RNASEH2A: variants seen among roughly 807,000 people sequenced by gnomAD.
RNASEH2A encodes ribonuclease H2 subunit A, also known as RNase H(35).
In RNASEH2A, 30 loss-of-function variants were observed where a neutral mutation model predicts 32.7. That is an observed-to-expected ratio of 0.92 (90% CI 0.69 to 1.25). The LOEUF is 1.25. RNASEH2A is among the 50% of genes most tolerant of loss of function. The pLI is 0.00. For synonymous variants in RNASEH2A, 147 were observed against 165.4 expected (o/e 0.89, Z 0.86); for missense variants, 409 against 398.1 (o/e 1.03, Z -0.23).
At chr19:12,811,967 G>A (rs1969080081) in intron 6 of RNASEH2A, among the ~76,000 whole-genome samples, 1 of 151,610 alleles carries the variant, frequency 6.6e-6, no homozygotes, top group Non-Finnish European at 1.5e-5. Context: ...GCTGGGCCAG[G>A]TGGCTCATGC....
chr19:12,811,617 CA>C (rs201378863), intron 6 of RNASEH2A, among the ~76,000 whole-genome samples: 77 of 143,032 alleles, frequency 5.4e-4, no homozygotes, highest in Non-Finnish European at 4.3e-4. Flanking sequence ...GATCTTGTGT[CA>C]AAAAAAAAAA....
chr19:12,812,743 A>G (rs1247746168), intron 6 of RNASEH2A, among the ~76,000 whole-genome samples: 1 of 151,912 alleles, frequency 6.6e-6, no homozygotes. Flanking sequence ...GTGGTGGCTC[A>G]TGCCTGTAAT....
At chr19:12,810,795 G>A (rs1311286586) in intron 6 of RNASEH2A, among the ~76,000 whole-genome samples, 1 of 152,082 alleles carries the variant, frequency 6.6e-6, no homozygotes, top group Non-Finnish European at 1.5e-5. Flanking sequence ...CTCCCAAAGT[G>A]CTGGGATTAC....
intron 4 of RNASEH2A, among the ~76,000 whole-genome samples, chr19:12,808,599 G>A (rs191774078): frequency 6.6e-6 from 1 of 152,238 alleles, no homozygotes; most frequent in East Asian, 1.9e-4. Context: ...AGCAACAGAA[G>A]GTAGTCTTTT....
chr19:12,806,982 A>G (rs773511131), intron 1 of RNASEH2A, 26 bp from the exon 2 acceptor site: 1 of 1,612,712 alleles, frequency 6.2e-7, no homozygotes, highest in South Asian at 1.1e-5. Context: ...CCCGGCTGCC[A>G]GAAAACTGAC....
chr19:12,810,071 G>C lies in RNASEH2A; in HGVS notation c.412G>C (p.Val138Leu), dbSNP rs746895261. 1 of 1,614,020 alleles carries C rather than the reference G, an allele frequency of 6.2e-7. No homozygotes were observed. The highest frequency in any genetic ancestry group is 8.5e-7 in the Non-Finnish European group (1 of 1,180,040). ...ALDQGVNVTQ[V>L]FVDTVGMPET... is the part of the protein sequence containing the mutation. ...TAATATGTGTCTGTTGCTGTGGCAG[G>C]TATTCGTGGACACCGTAGGGATGCC... The change falls in exon 5 of 8, where the codon GTA becomes CTA. Residue 138 changes from valine to leucine, a missense_variant and splice_region_variant. Val to Leu is a conservative substitution (Grantham distance 32). Coordinates refer to ENST00000221486, the MANE Select transcript of RNASEH2A (RefSeq NM_006397.3).
At chr19:12,812,934 G>A (rs1245310842) in intron 6 of RNASEH2A, 149 bp from the exon 7 acceptor site, 14 of 1,054,846 alleles carry the variant, frequency 1.3e-5, no homozygotes, top group East Asian at 8.0e-5. Flanking sequence ...GAATCCGGGA[G>A]GTGGAGGTTG....
chr19:12,811,502 C>T (rs964906298), intron 6 of RNASEH2A, among the ~76,000 whole-genome samples: 2 of 151,958 alleles, frequency 1.3e-5, no homozygotes, highest in Non-Finnish European at 2.9e-5. Context: ...GTCCCAGCTA[C>T]TCTGGAGGAG....
intron 4 of RNASEH2A, among the ~76,000 whole-genome samples, chr19:12,809,169 T>A (rs1194570191): frequency 6.6e-6 from 1 of 152,084 alleles, no homozygotes; most frequent in Non-Finnish European, 1.5e-5. Context: ...GGTCAGGAGT[T>A]CGAGACCAGC....
At chr19:12,812,382 A>C (rs372264222) in intron 6 of RNASEH2A, among the ~76,000 whole-genome samples, 4 of 151,536 alleles carry the variant, frequency 2.6e-5, no homozygotes, top group African/African-American at 7.3e-5. Flanking sequence ...AAATACAAAA[A>C]TTAGCCAGGT....
chr19:12,806,889 TGTG>T, intron 1 of RNASEH2A, 89 bp downstream of exon 1: 1 of 1,596,542 alleles, frequency 6.3e-7, no homozygotes. Context: ...AGGGAGGGGA[TGTG>T]GTCGTGGTGA....
Position 12,810,363 on chromosome 19 carries a change from T to C in RNASEH2A, c.596T>C (p.Leu199Pro), listed in dbSNP as rs759610732. Residue 199 changes from leucine to proline, a missense_variant, in exon 6 of 8, where the codon CTG becomes CCG. Coordinates refer to ENST00000221486, the MANE Select transcript of RNASEH2A (RefSeq NM_006397.3). ...AVKKWQFVEKLQDLDTDYGSG... is the reference protein window; with the variant it reads ...AVKKWQFVEKPQDLDTDYGSG... The stretch of plus-strand genomic sequence containing the variant: ...AAGAAATGGCAGTTCGTGGAGAAAC[T>C]GCAGGACTTGGATACTGATTATGGC... The C allele has an allele frequency of 2.5e-6, 4 of 1,614,162 alleles. No individual in the cohort carries two copies. Among genetic ancestry groups the C allele is most frequent in the Non-Finnish European group, 3.4e-6 (4 of 1,180,032 alleles).
At position 12,806,660 on chromosome 19, in the gene RNASEH2A, G is replaced by T. The variant is rs1327810622; in HGVS notation, c.-14G>T. Reference sequence around the variant, plus strand: ...GTATTAGTTCTTGCAGCTGGTGGTGGCGGCTGAGGCGGCATGGATCTCAGC... The same window carrying T: ...GTATTAGTTCTTGCAGCTGGTGGTGTCGGCTGAGGCGGCATGGATCTCAGC... On this transcript the variant is annotated 5_prime_UTR_variant, in exon 1 of 8. Coordinates refer to ENST00000221486, the MANE Select transcript of RNASEH2A (RefSeq NM_006397.3). 8.9e-6 allele frequency: 14 copies of T among 1,572,694 alleles called. No individual in the cohort carries two copies. The highest frequency in any genetic ancestry group is 1.2e-5 in the Non-Finnish European group (14 of 1,159,106).
At position 12,807,080 on chromosome 19, in the gene RNASEH2A, G is replaced by T; in HGVS notation, c.199+1G>T. Reference sequence around the variant, plus strand: ...GATCTGGAGGCGCTGAAAGTGGCAGGTGAGCCCGAGGTGTGCGTCTGGGGA... The same window carrying T: ...GATCTGGAGGCGCTGAAAGTGGCAGTTGAGCCCGAGGTGTGCGTCTGGGGA... On this transcript the variant is annotated splice_donor_variant, in intron 2 of 7. Transcript: ENST00000221486. LOFTEE classifies it high-confidence loss of function. 6.2e-7 allele frequency: 1 copy of T among 1,614,160 alleles called. No individual in the cohort carries two copies. Among genetic ancestry groups the T allele is most frequent in the Non-Finnish European group, 8.5e-7 (1 of 1,180,018 alleles).
chr19:12,809,440 C>T (rs936063381), intron 4 of RNASEH2A, among the ~76,000 whole-genome samples: 4 of 152,184 alleles, frequency 2.6e-5, no homozygotes, highest in African/African-American at 9.6e-5. Context: ...GAGCCCTCTT[C>T]CCCAGATCTC....
chr19:12,811,422 C>T (rs929365961), intron 6 of RNASEH2A, among the ~76,000 whole-genome samples: 18 of 151,884 alleles, frequency 1.2e-4, no homozygotes, highest in African/African-American at 4.1e-4. Context: ...CCAGCCTGGG[C>T]AACATAGCGA....
chr19:12,807,262 A>G lies in RNASEH2A; in HGVS notation c.256A>G (p.Thr86Ala), dbSNP rs760963748. 6.2e-7 allele frequency: 1 copy of G among 1,614,148 alleles called. No homozygotes were observed. The change falls in exon 3 of 8, where the codon ACG (threonine) becomes GCG (alanine). Residue 86 changes from threonine to alanine, a missense_variant. Coordinates refer to ENST00000221486, the MANE Select transcript of RNASEH2A (RefSeq NM_006397.3). Reference sequence around the variant, plus strand: ...AAGGCTGTTTGCGAAAATGGAGGACACGGACTTTGTCGGCTGGGCGCTGGA... The same window carrying G: ...AAGGCTGTTTGCGAAAATGGAGGACGCGGACTTTGTCGGCTGGGCGCTGGA... ...RERLFAKMED[T>A]DFVGWALDVL...
At chr19:12,811,938 T>C (rs1053239437) in intron 6 of RNASEH2A, among the ~76,000 whole-genome samples, 1 of 148,710 alleles carries the variant, frequency 6.7e-6, no homozygotes, top group Non-Finnish European at 1.5e-5. Flanking sequence ...ATAATAATAA[T>C]AATAATATTT....
rs1465299984 is a variant in RNASEH2A at position 12,808,252 on chromosome 19, AAAAAT to A, written c.411+756_411+760del. ...GGGGGACAGAGCGAAAAATAAAAAT[AAAAAT>A]AAAATAAAAAATAAATGTGGGCAAA... On this transcript the variant is annotated intron_variant, in intron 4 of 7. Coordinates refer to ENST00000221486, the MANE Select transcript of RNASEH2A (RefSeq NM_006397.3). 3.3e-5 allele frequency among the ~76,000 whole-genome samples: 5 copies of A among 152,170 alleles called. No individual in the cohort carries two copies. In the East Asian group the frequency reaches 9.6e-4, roughly 29 times the overall value.
Sources: gnomAD v4.1 joint callset for allele counts (sites outside exome capture counted in the v4.1 genomes callset) on GRCh38, gnomAD v4.1.1 for gene constraint, MANE v1.5 for transcripts, NCBI Gene and HGNC (gene_info 2026-07-23, HGNC 2026-07-21) for gene names.